RABGAP1: variants seen among roughly 807,000 people sequenced by gnomAD.
RABGAP1 encodes the protein RAB GTPase activating protein 1.
RABGAP1 carries 23 observed loss-of-function variants against 137.6 expected under a neutral mutation model. The ratio of observed to expected loss-of-function variants is 0.17; its 90% confidence interval spans 0.12 to 0.24. The LOEUF (loss-of-function observed/expected upper bound fraction) is 0.24. RABGAP1 is among the 10% of genes least tolerant of loss of function. The pLI, the probability that RABGAP1 is intolerant of heterozygous loss-of-function variation, is 1.00. For missense variants in RABGAP1, 906 were observed against 1,275.8 expected, an observed-to-expected ratio of 0.71 and a Z score of 4.42; for synonymous variants, 451 against 450.7, an observed-to-expected ratio of 1.00 and a Z score of -0.01.
At chr9:123,029,298 TAATC>T (rs898184720) in intron 13 of RABGAP1, 16 of 580,676 alleles carry the variant, frequency 2.8e-5, no homozygotes, top group Non-Finnish European at 4.3e-5. Context: ...ATATGTTAAT[TAATC>T]AATGTTTAAA....
chr9:123,002,483 A>T (rs1045251430), intron 10 of RABGAP1, among the ~76,000 whole-genome samples: 9 of 151,378 alleles, frequency 5.9e-5, no homozygotes, highest in African/African-American at 2.2e-4. Flanking sequence ...ATTTTAGTGA[A>T]CATAAATAAG....
chr9:122,976,605 C>G lies in RABGAP1; in HGVS notation c.151-7880C>G, dbSNP rs576243531. On this transcript the variant is annotated intron_variant, in intron 2 of 25. Transcript: ENST00000373647. Reference sequence around the variant, plus strand: ...ATCCAAGTAGGATAAAATCATACTGCTTTGGCTTCCATTCTTTGCATTTGT... The same window carrying G: ...ATCCAAGTAGGATAAAATCATACTGGTTTGGCTTCCATTCTTTGCATTTGT... Among the ~76,000 whole-genome samples the G allele has an allele frequency of 2.6e-4, 40 of 152,280 alleles. No homozygotes were observed. The South Asian group carries it at 7.9e-3, about 30-fold the overall frequency.
intron 14 of RABGAP1, among the ~76,000 whole-genome samples, chr9:123,068,782 G>C: frequency 6.6e-6 from 1 of 152,140 alleles, no homozygotes; most frequent in Non-Finnish European, 1.5e-5. Flanking sequence ...ATTTTTAAAA[G>C]CTATAGTTTC....
chr9:123,098,837 G>A, intron 23 of RABGAP1, 39 bp downstream of exon 23: 1 of 1,519,962 alleles, frequency 6.6e-7, no homozygotes, highest in Non-Finnish European at 9.1e-7. Context: ...GTGTAATCTG[G>A]GAGCCCCTAG....
intron 19 of RABGAP1, 44 bp from the exon 20 acceptor site, chr9:123,089,714 T>C (rs1180364358): frequency 6.5e-7 from 1 of 1,527,112 alleles, no homozygotes; most frequent in East Asian, 2.4e-5. Flanking sequence ...AAGCACCCAC[T>C]ACTTTCTAAT....
At chr9:122,947,989 G>T (rs2131591708) in intron 1 of RABGAP1, among the ~76,000 whole-genome samples, 1 of 152,046 alleles carries the variant, frequency 6.6e-6, no homozygotes, top group African/African-American at 2.4e-5. Context: ...GGGATAGGCT[G>T]TGTGAAATTC....
At chr9:123,079,234 GTTTTGTTTTT>G (rs2034624001) in intron 19 of RABGAP1, among the ~76,000 whole-genome samples, 1 of 142,502 alleles carries the variant, frequency 7.0e-6, no homozygotes, top group African/African-American at 2.7e-5. Flanking sequence ...TTTTTGTTTT[GTTTTGTTTTT>G]TTTTTTTTTT....
intron 2 of RABGAP1, among the ~76,000 whole-genome samples, chr9:122,980,813 T>C (rs1426956376): frequency 6.6e-6 from 1 of 152,222 alleles, no homozygotes; most frequent in East Asian, 1.9e-4. Flanking sequence ...GAACATCTCA[T>C]GGGGTGCAAA....
rs1449470310 is a variant in RABGAP1 at position 123,103,083 on chromosome 9, T to G, written c.3088-8T>G. 6.2e-7 allele frequency: 1 copy of G among 1,613,440 alleles called. No individual in the cohort carries two copies. Among genetic ancestry groups the G allele is most frequent in the South Asian group, 1.1e-5 (1 of 90,956 alleles). On this transcript the variant is annotated splice_polypyrimidine_tract_variant and splice_region_variant and intron_variant, in intron 25 of 25. Coordinates refer to ENST00000373647, the MANE Select transcript of RABGAP1 (RefSeq NM_012197.4). ...CCAGCATCCTCATGCACACTGTTCC[T>G]CTTGCAGGACTTGGAACACCATTTA... is the stretch of plus-strand genomic sequence containing the variant.
intron 6 of RABGAP1, chr9:122,990,796 A>AATATATATATATATATAT (rs1188480184): frequency 7.2e-5 from 2 of 27,744 alleles, no homozygotes; most frequent in African/African-American, 1.2e-4. Flanking sequence ...AAAAAAAAAA[A>AATATATATATATATATAT]ATATATATAT....
chr9:122,992,618 A>G (rs140199787), intron 6 of RABGAP1, among the ~76,000 whole-genome samples: 13 of 151,022 alleles, frequency 8.6e-5, no homozygotes, highest in Admixed American at 8.6e-4. Context: ...GGTTTATAAT[A>G]AATACTGTTA....
chr9:122,963,118 A>G (rs970592472), intron 2 of RABGAP1, among the ~76,000 whole-genome samples: 2 of 152,224 alleles, frequency 1.3e-5, no homozygotes, highest in Admixed American at 1.3e-4. Context: ...CAATTCAAGA[A>G]TAATTGTTAG....
At position 123,074,448 on chromosome 9, in the gene RABGAP1, G is replaced by A. The variant is rs1432279184; in HGVS notation, c.2253+20G>A. On this transcript the variant is annotated intron_variant, in intron 17 of 25. Transcript: ENST00000373647. ...TGTGAGGTATGTATCAGAGGCCACAGCACTTTGGCTTTTGTTTGCAGTGTA... is the reference window on the plus strand; with the variant it reads ...TGTGAGGTATGTATCAGAGGCCACAACACTTTGGCTTTTGTTTGCAGTGTA... The A allele has an allele frequency of 6.2e-7, 1 of 1,601,694 alleles. No homozygotes were observed. Among genetic ancestry groups the A allele is most frequent in the East Asian group, 2.2e-5 (1 of 44,644 alleles).
At chr9:123,089,221 G>T (rs1316755832) in intron 19 of RABGAP1, among the ~76,000 whole-genome samples, 4 of 152,028 alleles carry the variant, frequency 2.6e-5, no homozygotes, top group Non-Finnish European at 5.9e-5. Context: ...GGATAGAGAG[G>T]TGCTAGGATA....
chr9:123,012,716 G>A (rs530778590), intron 11 of RABGAP1, among the ~76,000 whole-genome samples: 5 of 152,264 alleles, frequency 3.3e-5, no homozygotes, highest in Admixed American at 1.3e-4. Flanking sequence ...GTTCCCTAGC[G>A]TATACCACAA....
intron 21 of RABGAP1, among the ~76,000 whole-genome samples, chr9:123,093,581 A>C (rs567037858): frequency 1.3e-5 from 2 of 152,312 alleles, no homozygotes; most frequent in East Asian, 3.8e-4. Context: ...AACTTGCCCC[A>C]TTGAGTTAGC....
At chr9:123,005,164 A>G (rs944813378) in intron 10 of RABGAP1, among the ~76,000 whole-genome samples, 3 of 151,830 alleles carry the variant, frequency 2.0e-5, no homozygotes, top group Admixed American at 1.3e-4. Flanking sequence ...AATATGTTTC[A>G]GTAAGATTAT....
At chr9:123,060,075 C>T (rs535658724) in intron 13 of RABGAP1, among the ~76,000 whole-genome samples, 78 of 152,294 alleles carry the variant, frequency 5.1e-4, no homozygotes, top group Middle Eastern at 6.8e-3. Context: ...TGCTGCCATT[C>T]ACAAGAATAG....
chr9:122,996,645 C>T (rs1202117741), intron 8 of RABGAP1, 40 bp downstream of exon 8: 5 of 1,487,216 alleles, frequency 3.4e-6, no homozygotes, highest in South Asian at 2.4e-5. Context: ...ATACTATTTC[C>T]TCAGTAAAGG....
Sources: gnomAD v4.1 joint callset for allele counts (sites outside exome capture counted in the v4.1 genomes callset) on GRCh38, gnomAD v4.1.1 for gene constraint, MANE v1.5 for transcripts, NCBI Gene and HGNC (gene_info 2026-07-23, HGNC 2026-07-21) for gene names.